Variants in XIRP2 observed in about 807,000 individuals in gnomAD.
XIRP2 encodes the protein xin actin binding repeat containing 2, also known as xin actin-binding repeat-containing protein 2.
XIRP2 carries 236 observed loss-of-function variants against 277.0 expected under a neutral mutation model. The observed-to-expected ratio is 0.85, with a 90% confidence interval of 0.77 to 0.95. The LOEUF is 0.95. XIRP2 is among the 40% of genes least tolerant of loss of function. The pLI, the probability that XIRP2 is intolerant of heterozygous loss-of-function variation, is 0.00. For synonymous variants in XIRP2, 1,490 were observed against 1,416.5 expected, an observed-to-expected ratio of 1.05 and a Z score of -1.17; for missense variants, 4,640 against 4,157.5, an observed-to-expected ratio of 1.12 and a Z score of -3.19.
At chr2:167,192,306 C>T (rs1693370178) in intron 3 of XIRP2, among the ~76,000 whole-genome samples, 1 of 151,992 alleles carries the variant, frequency 6.6e-6, no homozygotes, top group Non-Finnish European at 1.5e-5. Flanking sequence ...CACATTTCCC[C>T]CCATTTAATT....
At chr2:167,044,196 A>G (rs111267592) in intron 2 of XIRP2, among the ~76,000 whole-genome samples, 4,504 of 152,218 alleles carry the variant, frequency 0.03, 158 homozygotes, top group African/African-American at 0.078. Flanking sequence ...CAATAGGTAC[A>G]GAAAAGGCTT....
chr2:167,195,580 C>T (rs1391283347), intron 3 of XIRP2, among the ~76,000 whole-genome samples: 1 of 152,192 alleles, frequency 6.6e-6, no homozygotes, highest in Non-Finnish European at 1.5e-5. Context: ...GAAGAACTCT[C>T]ACTCAGGAGC....
At chr2:167,171,822 A>G (rs936081258) in intron 3 of XIRP2, among the ~76,000 whole-genome samples, 4 of 152,176 alleles carry the variant, frequency 2.6e-5, no homozygotes, top group Non-Finnish European at 5.9e-5. Flanking sequence ...TATATCCTAC[A>G]CACTCTTAAC....
At chr2:167,053,682 A>G (rs1688972644) in intron 2 of XIRP2, among the ~76,000 whole-genome samples, 1 of 152,178 alleles carries the variant, frequency 6.6e-6, no homozygotes, top group South Asian at 2.1e-4. Context: ...ACTTCATACC[A>G]ATTTTAATAA....
At chr2:166,911,806 T>C (rs1032028628) in intron 2 of XIRP2, among the ~76,000 whole-genome samples, 2 of 152,202 alleles carry the variant, frequency 1.3e-5, no homozygotes, top group African/African-American at 2.4e-5. Flanking sequence ...GCAGGCCTGG[T>C]GGTGACAAAA....
At chr2:166,894,688 T>C (rs1558906320) in intron 1 of XIRP2, among the ~76,000 whole-genome samples, 1 of 152,140 alleles carries the variant, frequency 6.6e-6, no homozygotes, top group African/African-American at 2.4e-5. Flanking sequence ...TAATGTTAAT[T>C]GAGCCCCAAT....
intron 2 of XIRP2, among the ~76,000 whole-genome samples, chr2:167,127,703 C>T (rs1193489461): frequency 6.6e-6 from 1 of 152,180 alleles, no homozygotes; most frequent in African/African-American, 2.4e-5. Flanking sequence ...TGGATGTCTT[C>T]AGGGGAAGCT....
At chr2:166,898,781 G>T (rs893268001) in intron 1 of XIRP2, among the ~76,000 whole-genome samples, 3 of 151,902 alleles carry the variant, frequency 2.0e-5, no homozygotes, top group Non-Finnish European at 4.4e-5. Context: ...ACCCCAACAC[G>T]TCCCATCCAT....
intron 2 of XIRP2, among the ~76,000 whole-genome samples, chr2:166,939,077 T>A (rs1417832537): frequency 6.6e-6 from 1 of 152,238 alleles, no homozygotes; most frequent in African/African-American, 2.4e-5. Flanking sequence ...AATTGGAGCA[T>A]TTAGCCCATT....
At chr2:167,149,258 T>C (rs1691945400) in intron 3 of XIRP2, among the ~76,000 whole-genome samples, 1 of 152,186 alleles carries the variant, frequency 6.6e-6, no homozygotes, top group African/African-American at 2.4e-5. Flanking sequence ...TAATTCACTA[T>C]GCAGATAGCG....
At chr2:167,166,781 C>T (rs1480067241) in intron 3 of XIRP2, among the ~76,000 whole-genome samples, 1 of 152,142 alleles carries the variant, frequency 6.6e-6, no homozygotes, top group Non-Finnish European at 1.5e-5. Context: ...ATCCAAACAC[C>T]TTCCACGAGG....
chr2:166,900,993 G>A (rs915696961), intron 1 of XIRP2, among the ~76,000 whole-genome samples: 5 of 152,100 alleles, frequency 3.3e-5, no homozygotes, highest in Admixed American at 1.3e-4. Flanking sequence ...TAGTTGGAGA[G>A]AGAGACAGCA....
At chr2:166,973,053 G>C (rs1243565086) in intron 2 of XIRP2, among the ~76,000 whole-genome samples, 3 of 151,992 alleles carry the variant, frequency 2.0e-5, no homozygotes, top group South Asian at 2.1e-4. Flanking sequence ...TAATTAAATA[G>C]CTGAGTAAAT....
intron 3 of XIRP2, among the ~76,000 whole-genome samples, chr2:167,190,517 G>A (rs920869954): frequency 4.6e-5 from 7 of 152,042 alleles, no homozygotes; most frequent in Admixed American, 1.3e-4. Context: ...GTATTATTAT[G>A]TCCACAATAT....
intron 2 of XIRP2, among the ~76,000 whole-genome samples, chr2:167,023,553 T>G (rs1332801553): frequency 6.6e-6 from 1 of 152,174 alleles, no homozygotes; most frequent in Non-Finnish European, 1.5e-5. Context: ...TGAATGGTAA[T>G]GCCTAGGTTT....
At chr2:167,122,370 G>A (rs1574273638) in intron 2 of XIRP2, among the ~76,000 whole-genome samples, 2 of 152,252 alleles carry the variant, frequency 1.3e-5, no homozygotes, top group East Asian at 3.9e-4. Flanking sequence ...CACCCAAAAG[G>A]TGCATATATG....
At chr2:167,157,678 A>G (rs1471581808) in intron 3 of XIRP2, among the ~76,000 whole-genome samples, 1 of 152,100 alleles carries the variant, frequency 6.6e-6, no homozygotes, top group East Asian at 1.9e-4. Context: ...TCCCCCTACA[A>G]TCAAAGCAGC....
chr2:167,021,115 T>C (rs1687969047), intron 2 of XIRP2, among the ~76,000 whole-genome samples: 1 of 152,120 alleles, frequency 6.6e-6, no homozygotes, highest in South Asian at 2.1e-4. Flanking sequence ...CTCTAATTCG[T>C]ATGCTTCTAA....
chr2:167,252,353 C>A (rs1161082373), intron 9 of XIRP2, among the ~76,000 whole-genome samples: 2 of 151,926 alleles, frequency 1.3e-5, no homozygotes, highest in Non-Finnish European at 2.9e-5. Flanking sequence ...GCATTGAGTT[C>A]AATACAGACT....
Sources: gnomAD v4.1 joint callset for allele counts (sites outside exome capture counted in the v4.1 genomes callset) on GRCh38, gnomAD v4.1.1 for gene constraint, MANE v1.5 for transcripts, NCBI Gene and HGNC (gene_info 2026-07-23, HGNC 2026-07-21) for gene names.